PSMB1: variants seen among roughly 807,000 people sequenced by gnomAD.
PSMB1 encodes the protein proteasome subunit beta type-1.
In PSMB1, 7 loss-of-function variants were observed where a neutral mutation model predicts 25.4. The ratio of observed to expected loss-of-function variants is 0.28; its 90% CI spans 0.16 to 0.52. The LOEUF (loss-of-function observed/expected upper bound fraction) is 0.52, where lower values mean the gene tolerates loss of function less well. PSMB1 is among the 20% of genes least tolerant of loss of function. The probability of loss-of-function intolerance (pLI) is 0.97; values close to 1 mark genes in which losing one functional copy is unlikely to be tolerated. For synonymous variants in PSMB1, 119 were observed against 115.0 expected (o/e 1.03, Z -0.22); for missense variants, 284 against 302.2 (o/e 0.94, Z 0.45).
chr6:170,541,337 A>G (rs1316290313), intron 4 of PSMB1, among the ~76,000 whole-genome samples: 1 of 152,228 alleles, frequency 6.6e-6, no homozygotes, highest in Non-Finnish European at 1.5e-5. Context: ...GAGTTACACA[A>G]GAAAGAAAAT....
At chr6:170,552,443 C>T (rs925948158) in intron 1 of PSMB1, among the ~76,000 whole-genome samples, 8 of 151,966 alleles carry the variant, frequency 5.3e-5, no homozygotes, top group Non-Finnish European at 2.9e-5. Context: ...AAAACTTGAA[C>T]ATAACATACA....
intron 3 of PSMB1, among the ~76,000 whole-genome samples, chr6:170,544,659 G>A (rs961001339): frequency 1.3e-5 from 2 of 152,048 alleles, no homozygotes; most frequent in East Asian, 1.9e-4. Flanking sequence ...CTACAATGGC[G>A]CCACTGTACT....
chr6:170,546,108 G>A lies in PSMB1; in HGVS notation c.298C>T (p.Leu100=), dbSNP rs918152472. 1.2e-6 allele frequency: 2 copies of A among 1,611,682 alleles called. No homozygotes were observed. The highest frequency in any genetic ancestry group is 1.7e-6 in the Non-Finnish European group (2 of 1,178,072). Reference sequence around the variant, plus strand: ...AAATGTACAAAAGCATCTACCTTTAGTCTTGCTTCAATAATCTTTGTCAGC... The same window carrying A: ...AAATGTACAAAAGCATCTACCTTTAATCTTGCTTCAATAATCTTTGTCAGC... ...LTLTKIIEAR[L]KMYKHSNNKA... Residue 100 remains leucine (L), a synonymous_variant, in exon 3 of 6, where the codon CTA becomes TTA. Coordinates refer to ENST00000262193, the MANE Select transcript of PSMB1 (RefSeq NM_002793.4).
Position 170,553,272 on chromosome 6 carries a change from T to A in PSMB1, c.-30A>T. ...CGGCTGCGCCTGCGGATCCGACACT[T>A]GCTGTCTCACGGCGAGATGGCTGCC... On this transcript the variant is annotated 5_prime_UTR_variant, in exon 1 of 6. Coordinates refer to ENST00000262193, the MANE Select transcript of PSMB1 (RefSeq NM_002793.4). 1 of 1,544,790 alleles carries A rather than the reference T, an allele frequency of 6.5e-7. No homozygotes were observed. The highest frequency in any genetic ancestry group is 8.9e-7 in the Non-Finnish European group (1 of 1,125,834).
At chr6:170,553,095 C>G (rs1481668346) in intron 1 of PSMB1, 35 bp downstream of exon 1, 1 of 1,540,142 alleles carries the variant, frequency 6.5e-7, no homozygotes, top group Non-Finnish European at 8.9e-7. Flanking sequence ...GGGGGAAGGG[C>G]GAAAGTGAAA....
At position 170,553,244 on chromosome 6, in the gene PSMB1, G is replaced by T. The variant is rs754026068; in HGVS notation, c.-2C>A. On this transcript the variant is annotated 5_prime_UTR_variant, in exon 1 of 6. Coordinates refer to ENST00000262193, the MANE Select transcript of PSMB1 (RefSeq NM_002793.4). ...ATACATGGCTGTAGAGGACAACATC[G>T]CACGGCTGCGCCTGCGGATCCGACA... 1 of 1,603,702 alleles carries T rather than the reference G, an allele frequency of 6.2e-7. No individual in the cohort carries two copies. The highest frequency in any genetic ancestry group is 8.5e-7 in the Non-Finnish European group (1 of 1,173,494).
chr6:170,543,508 T>C (rs1369200571), intron 4 of PSMB1, 93 bp downstream of exon 4: 1 of 1,209,828 alleles, frequency 8.3e-7, no homozygotes, highest in East Asian at 2.5e-5. Context: ...TGTCAGATGG[T>C]ATTTATGGTT....
intron 4 of PSMB1, among the ~76,000 whole-genome samples, chr6:170,542,197 T>C (rs984739830): frequency 6.6e-6 from 1 of 152,110 alleles, no homozygotes; most frequent in African/African-American, 2.4e-5. Context: ...CCATGGCAGG[T>C]AAAATGATCA....
chr6:170,551,674 A>C (rs1778904340), intron 1 of PSMB1, among the ~76,000 whole-genome samples: 1 of 152,236 alleles, frequency 6.6e-6, no homozygotes, highest in African/African-American at 2.4e-5. Flanking sequence ...TAGTCATCAC[A>C]GGAAGTGTTA....
In PSMB1 at chr6:170,553,046, G is replaced by A. The variant is rs868175757; in HGVS notation, c.113+84C>T. ...GAGGCCTGCAGGAGCCCGGGGCAGC[G>A]CCATCACGGCGGTGACTCCTAAATA... On this transcript the variant is annotated intron_variant, in intron 1 of 5. Coordinates refer to ENST00000262193, the MANE Select transcript of PSMB1 (RefSeq NM_002793.4). The A allele has an allele frequency of 2.2e-4, 268 of 1,216,628 alleles. 1 individual carries two copies. Among genetic ancestry groups the A allele is most frequent in the African/African-American group, 1.8e-4 (12 of 66,198 alleles). The allele number at this position is 1,216,628 out of a possible 1,614,324, so 75.4% of individuals were successfully genotyped here.
intron 1 of PSMB1, 83 bp downstream of exon 1, chr6:170,553,047 C>A: frequency 8.1e-7 from 1 of 1,231,956 alleles, no homozygotes; most frequent in Non-Finnish European, 1.1e-6. Flanking sequence ...CGGGGCAGCG[C>A]CATCACGGCG....
chr6:170,546,046 G>T lies in PSMB1; in HGVS notation c.303+57C>A, dbSNP rs551317998. ...CAACAGTCATGCTGTAGGCTTAAAAGAATTTAATGAATTACTATTAATTTA... is the reference window on the plus strand; with the variant it reads ...CAACAGTCATGCTGTAGGCTTAAAATAATTTAATGAATTACTATTAATTTA... On this transcript the variant is annotated intron_variant, in intron 3 of 5. Coordinates refer to ENST00000262193, the MANE Select transcript of PSMB1 (RefSeq NM_002793.4). 5.3e-4 allele frequency: 768 copies of T among 1,450,236 alleles called. 2 individuals carry two copies. The highest frequency in any genetic ancestry group is 9.0e-4 in the Admixed American group (49 of 54,272). The allele number at this position is 1,450,236 out of a possible 1,614,324, so 89.8% of individuals were successfully genotyped here.
chr6:170,551,459 A>G (rs1455509824), intron 1 of PSMB1, among the ~76,000 whole-genome samples: 1 of 152,202 alleles, frequency 6.6e-6, no homozygotes, highest in African/African-American at 2.4e-5. Flanking sequence ...CAGCTGCAGT[A>G]AACACTAAAG....
intron 3 of PSMB1, among the ~76,000 whole-genome samples, chr6:170,544,668 C>T (rs12209288): frequency 0.041 from 6,229 of 152,172 alleles, 159 homozygotes; most frequent in Middle Eastern, 0.085. Flanking sequence ...CGCCACTGTA[C>T]TCCAGCCTGT....
At chr6:170,553,066 T>TA in intron 1 of PSMB1, 64 bp downstream of exon 1, 1 of 1,430,072 alleles carries the variant, frequency 7.0e-7, no homozygotes. Flanking sequence ...CGGTGACTCC[T>TA]AAATAGGCTT....
chr6:170,549,131 A>C lies in PSMB1; in HGVS notation c.114-18T>G. ...GTATAGTACTGAGGAAAAAAGAAAAAAATTAATTCTCCAGGGTGGTAATCC... is the reference window on the plus strand; with the variant it reads ...GTATAGTACTGAGGAAAAAAGAAAACAATTAATTCTCCAGGGTGGTAATCC... On this transcript the variant is annotated intron_variant, in intron 1 of 5. Coordinates refer to ENST00000262193, the MANE Select transcript of PSMB1 (RefSeq NM_002793.4). 1 of 1,475,010 alleles carries C rather than the reference A, an allele frequency of 6.8e-7. No homozygotes were observed. The highest frequency in any genetic ancestry group is 9.5e-7 in the Non-Finnish European group (1 of 1,056,162). The allele number at this position is 1,475,010 out of a possible 1,614,324, so 91.4% of individuals were successfully genotyped here.
intron 4 of PSMB1, among the ~76,000 whole-genome samples, chr6:170,538,559 C>G (rs1778721297): frequency 6.6e-6 from 1 of 152,140 alleles, no homozygotes; most frequent in South Asian, 2.1e-4. Context: ...ATTAGCTGAG[C>G]ATGGTGGCAC....
chr6:170,544,002 G>A (rs1016515088), intron 3 of PSMB1, among the ~76,000 whole-genome samples: 1 of 152,102 alleles, frequency 6.6e-6, no homozygotes. Flanking sequence ...TGTATGAAAG[G>A]GCACATGAAG....
At chr6:170,542,869 C>G (rs1778772977) in intron 4 of PSMB1, among the ~76,000 whole-genome samples, 1 of 152,158 alleles carries the variant, frequency 6.6e-6, no homozygotes, top group African/African-American at 2.4e-5. Context: ...ATGGACTACT[C>G]TAAATGACAC....
Sources: allele counts gnomAD v4.1 joint callset (sites outside exome capture counted in the v4.1 genomes callset), GRCh38; gene constraint gnomAD v4.1.1; transcripts MANE v1.5; gene names NCBI Gene and HGNC (gene_info 2026-07-23, HGNC 2026-07-21).